Variants in PHF14 observed in about 807,000 individuals in gnomAD.
The protein encoded by PHF14 is PHD finger protein 14.
Under a neutral mutation model 117.9 loss-of-function variants are expected in PHF14, and 55 were observed. The observed-to-expected ratio is 0.47, with a 90% confidence interval of 0.38 to 0.58. The LOEUF (loss-of-function observed/expected upper bound fraction) is 0.58. Among genes scored for constraint, PHF14 ranks in the 20% least tolerant of loss-of-function variants. The pLI is 0.00. For missense variants in PHF14, 978 were observed against 1,122.2 expected (o/e 0.87, Z 1.84); for synonymous variants, 409 against 368.6 (o/e 1.11, Z -1.26).
At chr7:11,164,488 T>C (rs1351127461) in intron 17 of PHF14, among the ~76,000 whole-genome samples, 1 of 152,216 alleles carries the variant, frequency 6.6e-6, no homozygotes, top group Non-Finnish European at 1.5e-5. Context: ...TAATTATAGC[T>C]GTATATTTCA....
Position 11,105,887 on chromosome 7 carries a change from A to T in PHF14, c.2655-5463A>T, listed in dbSNP as rs913809082. 4 of 966,866 alleles carry T rather than the reference A, an allele frequency of 4.1e-6. No individual in the cohort carries two copies. In the African/African-American group the frequency reaches 7.7e-5, roughly 19 times the overall value. The allele number at this position is 966,866 out of a possible 1,614,324, so 59.9% of individuals were successfully genotyped here. A position where few individuals can be genotyped will look rare whatever the true frequency, so the allele number is the denominator to read the frequency against. Reference sequence around the variant, plus strand: ...TTTATCTGATTTACATTGTAAAATCAGGATCTACACTATTGATTAGAGCAT... The same window carrying T: ...TTTATCTGATTTACATTGTAAAATCTGGATCTACACTATTGATTAGAGCAT... On this transcript the variant is annotated intron_variant, in intron 16 of 17. Coordinates refer to ENST00000634607, the MANE Select transcript of PHF14 (RefSeq NM_001007157.2).
intron 16 of PHF14, chr7:11,062,637 GT>G: frequency 1.1e-6 from 1 of 940,644 alleles, no homozygotes; most frequent in Non-Finnish European, 1.3e-6. Flanking sequence ...TTGTTTCTTT[GT>G]TTCGTTTTGG....
At chr7:10,985,618 C>G (rs1782191221) in intron 3 of PHF14, among the ~76,000 whole-genome samples, 1 of 132,832 alleles carries the variant, frequency 7.5e-6, no homozygotes, top group Non-Finnish European at 1.5e-5. Context: ...GAAATACTCT[C>G]TAGCAGTGAT....
At chr7:11,088,914 T>C (rs1255873780) in intron 16 of PHF14, among the ~76,000 whole-genome samples, 3 of 152,120 alleles carry the variant, frequency 2.0e-5, no homozygotes, top group Admixed American at 6.6e-5. Context: ...TACTAAATTG[T>C]TACATATAAG....
At chr7:11,037,320 A>C (rs567464779) in intron 10 of PHF14, among the ~76,000 whole-genome samples, 1 of 152,262 alleles carries the variant, frequency 6.6e-6, no homozygotes, top group South Asian at 2.1e-4. Context: ...TTTAATTCCC[A>C]GCTTAACTTT....
chr7:11,132,851 A>G (rs1429832927), intron 17 of PHF14, among the ~76,000 whole-genome samples: 1 of 151,786 alleles, frequency 6.6e-6, no homozygotes, highest in Non-Finnish European at 1.5e-5. Context: ...CTCCCTAATG[A>G]TTAGTGATGT....
At chr7:11,162,700 C>CT (rs5882294) in intron 17 of PHF14, among the ~76,000 whole-genome samples, 2,590 of 127,906 alleles carry the variant, frequency 0.02, 62 homozygotes, top group African/African-American at 0.059. Flanking sequence ...AATCCAAAGT[C>CT]TTTTTTTTTT....
At chr7:11,102,338 C>A in intron 16 of PHF14, 1 of 703,518 alleles carries the variant, frequency 1.4e-6, no homozygotes, top group Non-Finnish European at 2.3e-6. Context: ...AAGATCATGG[C>A]ATTTAGGTTT....
chr7:11,089,842 C>T (rs1412778123), intron 16 of PHF14, among the ~76,000 whole-genome samples: 2 of 142,854 alleles, frequency 1.4e-5, no homozygotes. Context: ...GTGATCTTGG[C>T]TCACCACAAA....
intron 3 of PHF14, among the ~76,000 whole-genome samples, chr7:10,989,977 A>T (rs190057505): frequency 4.5e-4 from 69 of 152,260 alleles, no homozygotes; most frequent in Admixed American, 2.4e-3. Flanking sequence ...TTACCAGTTT[A>T]CACTGGATAT....
chr7:11,059,888 G>A lies in PHF14; in HGVS notation c.2482-1903G>A, dbSNP rs139727541. Among the ~76,000 whole-genome samples, 22 of 151,840 alleles carry A rather than the reference G, an allele frequency of 1.4e-4. 1 individual carries two copies. Among genetic ancestry groups the A allele is most frequent in the African/African-American group, 5.3e-4 (22 of 41,426 alleles). ...AATTTTTATTTTATTTTATTTTTTT[G>A]AGACAAAGTCTCGTCCTGTTGCTCA... is the stretch of plus-strand genomic sequence containing the variant. On this transcript the variant is annotated intron_variant, in intron 14 of 17. Coordinates refer to ENST00000634607, the MANE Select transcript of PHF14 (RefSeq NM_001007157.2).
intron 16 of PHF14, chr7:11,063,245 T>C: frequency 1.0e-6 from 1 of 984,936 alleles, no homozygotes; most frequent in Non-Finnish European, 1.2e-6. Context: ...GTAGAGTGTG[T>C]TGGGAGCTAT....
At chr7:11,063,113 T>C in intron 16 of PHF14, 1 of 938,786 alleles carries the variant, frequency 1.1e-6, no homozygotes, top group Non-Finnish European at 1.3e-6. Flanking sequence ...TCTTAAATTT[T>C]ATGAGTTTTT....
chr7:11,116,521 A>G (rs931722645), intron 17 of PHF14, among the ~76,000 whole-genome samples: 1 of 151,940 alleles, frequency 6.6e-6, no homozygotes, highest in South Asian at 2.1e-4. Flanking sequence ...TCCTTTGTAA[A>G]TAACTCTCTG....
At chr7:11,104,787 G>C in intron 16 of PHF14, 3 of 663,442 alleles carry the variant, frequency 4.5e-6, no homozygotes, top group Non-Finnish European at 5.6e-6. Context: ...TTCTGATTTA[G>C]TAGAAAATTT....
At chr7:11,050,490 G>A (rs1397617400) in intron 13 of PHF14, among the ~76,000 whole-genome samples, 5 of 152,030 alleles carry the variant, frequency 3.3e-5, no homozygotes, top group Non-Finnish European at 5.9e-5. Context: ...ATTTCCAGCA[G>A]TTGTTGTTTA....
chr7:11,096,445 A>C (rs1365126971), intron 16 of PHF14, among the ~76,000 whole-genome samples: 1 of 152,158 alleles, frequency 6.6e-6, no homozygotes, highest in Non-Finnish European at 1.5e-5. Context: ...TTTTTACTTT[A>C]GGATGTTCTT....
Position 11,169,398 on chromosome 7 carries a change from C to T in PHF14, c.2773-18C>T. 1.6e-6 allele frequency: 2 copies of T among 1,237,488 alleles called. No individual in the cohort carries two copies. The highest frequency in any genetic ancestry group is 2.2e-5 in the Admixed American group (1 of 44,730). The allele number at this position is 1,237,488 out of a possible 1,614,324, so 76.7% of individuals were successfully genotyped here. ...TCTAAAGTTTATATTTTAATGTTTT[C>T]TAAAATTTATTTCACAGGAAGATGA... On this transcript the variant is annotated intron_variant, in intron 17 of 17. Coordinates refer to ENST00000634607, the MANE Select transcript of PHF14 (RefSeq NM_001007157.2).
At chr7:11,095,265 A>G (rs945820764) in intron 16 of PHF14, among the ~76,000 whole-genome samples, 26 of 152,186 alleles carry the variant, frequency 1.7e-4, no homozygotes, top group South Asian at 2.1e-4. Context: ...ATTTACATTT[A>G]TAAGTGAGAA....
Sources: gnomAD v4.1 joint callset for allele counts (sites outside exome capture counted in the v4.1 genomes callset) on GRCh38, gnomAD v4.1.1 for gene constraint, MANE v1.5 for transcripts, NCBI Gene and HGNC (gene_info 2026-07-23, HGNC 2026-07-21) for gene names.